FOXP1: variants seen among roughly 807,000 people sequenced by gnomAD.
FOXP1 encodes forkhead box P1.
A neutral mutation model predicts 98.2 loss-of-function variants in FOXP1; 15 were observed. That is an observed-to-expected ratio of 0.15 (90% CI 0.10 to 0.24). The LOEUF is 0.24. Among genes scored for constraint, FOXP1 ranks in the 10% least tolerant of loss-of-function variants. FOXP1 has a pLI of 1.00. For synonymous variants in FOXP1, 371 were observed against 314.5 expected, an observed-to-expected ratio of 1.18 and a Z score of -1.90; for missense variants, 633 against 848.5, an observed-to-expected ratio of 0.75 and a Z score of 3.15.
intron 6 of FOXP1, among the ~76,000 whole-genome samples, chr3:71,150,815 T>C (rs920426421): frequency 6.6e-6 from 1 of 152,098 alleles, no homozygotes; most frequent in African/African-American, 2.4e-5. Flanking sequence ...ACGTTAAGTA[T>C]GTGGCATGGC....
intron 20 of FOXP1, among the ~76,000 whole-genome samples, chr3:70,964,690 ACT>A (rs1487781675): frequency 6.6e-6 from 1 of 152,188 alleles, no homozygotes; most frequent in African/African-American, 2.4e-5. Flanking sequence ...AGATAAACAC[ACT>A]CTTAAAATGC....
intron 6 of FOXP1, among the ~76,000 whole-genome samples, chr3:71,127,927 T>C (rs375239654): frequency 1.3e-5 from 2 of 152,180 alleles, no homozygotes; most frequent in East Asian, 3.8e-4. Flanking sequence ...CCTTGTCTTC[T>C]CAAGGGCAAA....
intron 2 of FOXP1, chr3:71,571,525 A>G (rs1054599070): frequency 6.6e-6 from 1 of 152,216 alleles, no homozygotes; most frequent in Admixed American, 6.5e-5. Context: ...AGTACAAATA[A>G]GCAAGTTGTC....
intron 2 of FOXP1, among the ~76,000 whole-genome samples, chr3:71,503,552 G>C: frequency 7.8e-6 from 1 of 128,816 alleles, no homozygotes; most frequent in South Asian, 2.6e-4. Context: ...AGTGAGCCAA[G>C]ATAGTGCCAT....
intron 3 of FOXP1, among the ~76,000 whole-genome samples, chr3:71,445,023 T>A (rs944407680): frequency 2.6e-5 from 4 of 152,084 alleles, no homozygotes; most frequent in Admixed American, 2.6e-4. Flanking sequence ...GCAAGGGAGA[T>A]CTTTCATTTC....
At chr3:71,570,636 C>T (rs1187676148) in intron 2 of FOXP1, 1 of 152,214 alleles carries the variant, frequency 6.6e-6, no homozygotes, top group Non-Finnish European at 1.5e-5. Context: ...TCATCTCAGC[C>T]CAAGGAGGCA....
At chr3:71,411,714 A>T (rs2082763768) in intron 3 of FOXP1, among the ~76,000 whole-genome samples, 1 of 152,202 alleles carries the variant, frequency 6.6e-6, no homozygotes, top group African/African-American at 2.4e-5. Flanking sequence ...GAGCGGTCTC[A>T]GTTAGTCTGC....
At chr3:71,551,322 T>C (rs2045760628) in intron 2 of FOXP1, among the ~76,000 whole-genome samples, 1 of 152,250 alleles carries the variant, frequency 6.6e-6, no homozygotes, top group Admixed American at 6.5e-5. Flanking sequence ...TTTCTACTTG[T>C]TGATTCTGAA....
At chr3:71,174,826 A>ACACACACACACACACACC (rs1050762895) in intron 6 of FOXP1, among the ~76,000 whole-genome samples, 21 of 147,326 alleles carry the variant, frequency 1.4e-4, no homozygotes, top group Admixed American at 7.4e-4. Context: ...ACACACACAC[A>ACACACACACACACACACC]CCCCAATATA....
intron 3 of FOXP1, among the ~76,000 whole-genome samples, chr3:71,417,423 G>A (rs548489923): frequency 1.8e-4 from 28 of 152,288 alleles, no homozygotes; most frequent in African/African-American, 6.5e-4. Context: ...ATTCCAAGTT[G>A]TCCTCCTAAA....
At chr3:71,544,241 T>TA (rs1335566450) in intron 2 of FOXP1, among the ~76,000 whole-genome samples, 35 of 151,920 alleles carry the variant, frequency 2.3e-4, no homozygotes, top group African/African-American at 8.2e-4. Flanking sequence ...TATTTTATGA[T>TA]ATAAATCCAG....
chr3:71,105,686 C>T (rs139713005), intron 7 of FOXP1, among the ~76,000 whole-genome samples: 1 of 152,244 alleles, frequency 6.6e-6, no homozygotes, highest in East Asian at 1.9e-4. Flanking sequence ...CTCATAAGAG[C>T]ACTTCAGACT....
intron 6 of FOXP1, among the ~76,000 whole-genome samples, chr3:71,171,680 C>CAA (rs1244713511): frequency 6.6e-6 from 1 of 152,224 alleles, no homozygotes; most frequent in Non-Finnish European, 1.5e-5. Context: ...TTGCAACCAA[C>CAA]AATCTATTAG....
intron 5 of FOXP1, among the ~76,000 whole-genome samples, chr3:71,268,452 A>G (rs956998220): frequency 3.3e-5 from 5 of 152,198 alleles, no homozygotes; most frequent in African/African-American, 1.2e-4. Flanking sequence ...GATATAATGA[A>G]GAAGCTTCAA....
rs1048270716 is a variant in FOXP1 at position 71,319,688 on chromosome 3, C to A, written c.-72-19808G>T. Among the ~76,000 whole-genome samples the A allele has an allele frequency of 2.5e-4, 38 of 152,150 alleles. 1 individual carries two copies. Among genetic ancestry groups the A allele is most frequent in the Admixed American group, 2.5e-3 (38 of 15,274 alleles). The stretch of plus-strand genomic sequence containing the variant: ...TCTGTTGCCAAAGTCATTAAGTTTT[C>A]AGTCCCTTTTGTTTGATCCATAGGC... On this transcript the variant is annotated intron_variant, in intron 4 of 20. Transcript: ENST00000649528.
intron 11 of FOXP1, among the ~76,000 whole-genome samples, chr3:71,038,585 A>C (rs970340515): frequency 6.6e-6 from 1 of 152,134 alleles, no homozygotes; most frequent in African/African-American, 2.4e-5. Flanking sequence ...TTTTTAAATT[A>C]AGCCTAATAA....
chr3:71,429,468 G>T (rs975455639), intron 3 of FOXP1, among the ~76,000 whole-genome samples: 10 of 128,990 alleles, frequency 7.8e-5, no homozygotes, highest in Admixed American at 7.5e-4. Flanking sequence ...TGTGCTGCTC[G>T]TGAGAACTTG....
chr3:71,225,361 G>C (rs1218796960), intron 5 of FOXP1, among the ~76,000 whole-genome samples: 1 of 152,152 alleles, frequency 6.6e-6, no homozygotes, highest in African/African-American at 2.4e-5. Context: ...AACTGGAAAG[G>C]AAACAGAGCT....
intron 4 of FOXP1, among the ~76,000 whole-genome samples, chr3:71,301,917 A>C (rs1252896461): frequency 6.6e-6 from 1 of 152,150 alleles, no homozygotes; most frequent in African/African-American, 2.4e-5. Context: ...TTTTTCCCCT[A>C]GGGATACTGG....
Sources: allele counts gnomAD v4.1 joint callset (sites outside exome capture counted in the v4.1 genomes callset), GRCh38; gene constraint gnomAD v4.1.1; transcripts MANE v1.5; gene names NCBI Gene and HGNC (gene_info 2026-07-23, HGNC 2026-07-21).